The following ZNF423 variants were observed in gnomAD, a reference collection of about 807,000 sequenced individuals.
ZNF423 encodes the protein Ebf-associated zinc finger protein.
In ZNF423, 12 loss-of-function variants were observed where a neutral mutation model predicts 95.8. That is an observed-to-expected ratio of 0.13 (90% CI 0.08 to 0.20). ZNF423 has a LOEUF of 0.20. Ranked by LOEUF, ZNF423 falls within the 10% of genes least tolerant of loss-of-function variation. The pLI is 1.00. For synonymous variants in ZNF423, 749 were observed against 711.9 expected (o/e 1.05, Z -0.83); for missense variants, 1,316 against 1,737.1 (o/e 0.76, Z 4.31).
chr16:49,755,487 A>G (rs2033709648), intron 2 of ZNF423, among the ~76,000 whole-genome samples: 1 of 152,192 alleles, frequency 6.6e-6, no homozygotes, highest in Non-Finnish European at 1.5e-5. Context: ...AATTCTTACC[A>G]GACATGGCTA....
chr16:49,652,353 GAA>G lies in ZNF423; in HGVS notation c.302-13481_302-13480del, dbSNP rs5816651. Among the ~76,000 whole-genome samples the G allele has an allele frequency of 4.1e-5, 6 of 148,120 alleles. No homozygotes were observed. In the East Asian group the frequency reaches 1.2e-3, roughly 29 times the overall value. ...AGAAATTAAACAGACTAGGAAAGGGGAAAAAAAAAAAGCCAGTGCTCATCAGC... is the reference window on the plus strand; with the variant it reads ...AGAAATTAAACAGACTAGGAAAGGGGAAAAAAAAAGCCAGTGCTCATCAGC... On this transcript the variant is annotated intron_variant, in intron 3 of 7. Coordinates refer to ENST00000563137, the MANE Select transcript of ZNF423 (RefSeq NM_001379286.1).
upstream of ZNF423, chr16:49,857,631 C>A (rs966726328): frequency 6.6e-6 from 1 of 152,328 alleles, no homozygotes; most frequent in African/African-American, 2.4e-5. This position sits in a 1 kb window ranked among gnomAD's most constrained non-coding sequence, Gnocchi z 6.2. Flanking sequence ...CCACATCCAA[C>A]AAATTCTTCC....
At chr16:49,630,928 C>G (rs1972473486) in intron 4 of ZNF423, among the ~76,000 whole-genome samples, 1 of 152,102 alleles carries the variant, frequency 6.6e-6, no homozygotes, top group African/African-American at 2.4e-5. Context: ...ACACAAGACA[C>G]ACACACAGAT....
At chr16:49,502,666 A>C (rs1567427682) in intron 7 of ZNF423, among the ~76,000 whole-genome samples, 1 of 152,030 alleles carries the variant, frequency 6.6e-6, no homozygotes, top group Non-Finnish European at 1.5e-5. Flanking sequence ...CATGGGGAAT[A>C]GGAGAGGCCA....
At chr16:49,771,448 T>C (rs939991756) in intron 2 of ZNF423, among the ~76,000 whole-genome samples, 2 of 152,086 alleles carry the variant, frequency 1.3e-5, no homozygotes, top group African/African-American at 4.8e-5. Flanking sequence ...CAAGTGATCC[T>C]CCTGCCTCAG....
At chr16:49,535,467 G>T (rs774950546) in intron 5 of ZNF423, among the ~76,000 whole-genome samples, 6 of 152,190 alleles carry the variant, frequency 3.9e-5, no homozygotes, top group Non-Finnish European at 8.8e-5. Flanking sequence ...TTTGGCAAAA[G>T]AAAAGACAAA....
intron 7 of ZNF423, among the ~76,000 whole-genome samples, chr16:49,504,379 C>T (rs568441126): frequency 2.2e-4 from 34 of 152,286 alleles, no homozygotes; most frequent in African/African-American, 7.9e-4. Flanking sequence ...GCCACGAGTT[C>T]GATACCAGCC....
chr16:49,588,569 C>G (rs1970913560), intron 5 of ZNF423, among the ~76,000 whole-genome samples: 1 of 152,200 alleles, frequency 6.6e-6, no homozygotes, highest in Admixed American at 6.5e-5. Context: ...AGGCTACATC[C>G]TTCTAAACCT....
intron 5 of ZNF423, among the ~76,000 whole-genome samples, chr16:49,537,212 TACCATA>T (rs1969083434): frequency 6.6e-6 from 1 of 152,178 alleles, no homozygotes. Flanking sequence ...GTAACCCAAA[TACCATA>T]ACTTTGAACC....
chr16:49,718,007 A>G (rs1224318543), intron 3 of ZNF423, among the ~76,000 whole-genome samples: 1 of 152,154 alleles, frequency 6.6e-6, no homozygotes, highest in Non-Finnish European at 1.5e-5. Context: ...TCCCCTGGCC[A>G]AAGTTATCGA....
intron 1 of ZNF423, 44 bp from the exon 2 acceptor site, chr16:49,789,590 A>G (rs374534804): frequency 2.5e-6 from 4 of 1,592,082 alleles, no homozygotes; most frequent in Non-Finnish European, 3.4e-6. Context: ...TGAAGGCTGT[A>G]CAAATAGATC....
intron 2 of ZNF423, among the ~76,000 whole-genome samples, chr16:49,738,603 G>T (rs549521746): frequency 6.6e-6 from 1 of 152,108 alleles, no homozygotes; most frequent in Non-Finnish European, 1.5e-5. Context: ...GTGGGGTTTC[G>T]AGGGGATAGG....
At chr16:49,856,726 C>T (rs1183476464), upstream of ZNF423, among the ~76,000 whole-genome samples, 1 of 147,488 alleles carries the variant, frequency 6.8e-6, no homozygotes, top group South Asian at 2.1e-4. Flanking sequence ...CAGGCGCGCC[C>T]GTGCCCCGGG....
intron 1 of ZNF423, among the ~76,000 whole-genome samples, chr16:49,845,053 A>AAAC (rs1395649474): frequency 7.9e-5 from 12 of 151,166 alleles, no homozygotes; most frequent in Non-Finnish European, 1.6e-4. Flanking sequence ...AAAAAAAAAA[A>AAAC]AAAAAAAAAA....
intron 3 of ZNF423, among the ~76,000 whole-genome samples, chr16:49,708,534 C>A (rs1326306448): frequency 1.3e-5 from 2 of 152,102 alleles, no homozygotes; most frequent in African/African-American, 2.4e-5. Flanking sequence ...AAGTGATCTG[C>A]CCGTCTCGGC....
chr16:49,819,465 T>C (rs997276273), intron 1 of ZNF423, among the ~76,000 whole-genome samples: 2 of 151,890 alleles, frequency 1.3e-5, no homozygotes, highest in African/African-American at 2.4e-5. Flanking sequence ...TCTTTTTTTT[T>C]GAGACAGAAT....
chr16:49,853,301 C>T (rs77575280), intron 1 of ZNF423, among the ~76,000 whole-genome samples: 3 of 78,416 alleles, frequency 3.8e-5, no homozygotes, highest in South Asian at 5.1e-4. Flanking sequence ...AGGGGCGGGG[C>T]GGGGGGGGAG....
rs541407373 is a variant in ZNF423 at position 49,638,973 on chromosome 16, G to A, written c.302-99C>T. ...TCGACAGCACGCGGGCTGAGGCTGT[G>A]CAGCTGGCCAACGGCTGCAGGGGGC... On this transcript the variant is annotated intron_variant, in intron 3 of 7. Transcript: ENST00000563137. The surrounding 1 kb of genome is among the most constrained non-coding windows in gnomAD (Gnocchi z 5.6). The A allele has an allele frequency of 3.8e-5, 55 of 1,460,344 alleles. No individual in the cohort carries two copies. The African/African-American group carries it at 7.5e-4, about 20-fold the overall frequency. The allele number at this position is 1,460,344 out of a possible 1,614,324, so 90.5% of individuals were successfully genotyped here.
intron 5 of ZNF423, among the ~76,000 whole-genome samples, chr16:49,561,967 C>A (rs554674129): frequency 2.0e-5 from 3 of 152,238 alleles, no homozygotes; most frequent in East Asian, 3.9e-4. Flanking sequence ...ATTACAATAA[C>A]CAGTTTATCA....
Sources: allele counts gnomAD v4.1 joint callset (sites outside exome capture counted in the v4.1 genomes callset), GRCh38; gene constraint gnomAD v4.1.1; non-coding constraint Gnocchi (gnomAD v3.1); transcripts MANE v1.5; gene names NCBI Gene and HGNC (gene_info 2026-07-23, HGNC 2026-07-21).